The following TANC1 variants were observed in gnomAD, a reference collection of about 807,000 sequenced individuals.
TANC1 encodes the protein tetratricopeptide repeat, ankyrin repeat and coiled-coil containing 1, also known as protein TANC1.
A neutral mutation model predicts 149.7 loss-of-function variants in TANC1; 77 were observed. The observed-to-expected ratio is 0.51, with a 90% CI of 0.43 to 0.62. The LOEUF (loss-of-function observed/expected upper bound fraction) is 0.62. TANC1 is among the 20% of genes least tolerant of loss of function. The pLI is 0.00. For synonymous variants in TANC1, 854 were observed against 925.0 expected, an observed-to-expected ratio of 0.92 and a Z score of 1.39; for missense variants, 1,985 against 2,321.8, an observed-to-expected ratio of 0.85 and a Z score of 2.98.
intron 4 of TANC1, among the ~76,000 whole-genome samples, chr2:159,128,896 T>C (rs1250057078): frequency 6.6e-6 from 1 of 152,230 alleles, no homozygotes; most frequent in Non-Finnish European, 1.5e-5. Context: ...AGGAATTGGC[T>C]ATTTAATGCA....
At chr2:159,222,130 C>G (rs1321747809) in intron 22 of TANC1, among the ~76,000 whole-genome samples, 1 of 152,186 alleles carries the variant, frequency 6.6e-6, no homozygotes, top group Non-Finnish European at 1.5e-5. Context: ...CAAAAACATA[C>G]TCAACTAAAT....
rs541702373 is a variant in TANC1 at position 159,136,828 on chromosome 2, T to C, written c.364+530T>C. On this transcript the variant is annotated intron_variant, in intron 5 of 26. Coordinates refer to ENST00000263635, the MANE Select transcript of TANC1 (RefSeq NM_033394.3). ...AAAAACCAAATTGATGGAAATATTT[T>C]TAAAGACATTTTATATGTATATGTA... Among the ~76,000 whole-genome samples, 111 of 151,772 alleles carry C rather than the reference T, an allele frequency of 7.3e-4. 1 individual carries two copies. Among genetic ancestry groups the C allele is most frequent in the African/African-American group, 2.6e-3 (106 of 41,436 alleles).
At chr2:159,016,455 C>T (rs1237848520) in intron 2 of TANC1, among the ~76,000 whole-genome samples, 1 of 152,144 alleles carries the variant, frequency 6.6e-6, no homozygotes, top group Non-Finnish European at 1.5e-5. Flanking sequence ...TGGGGACACA[C>T]AATTCAACCC....
At chr2:158,984,958 G>A (rs886755061) in intron 1 of TANC1, among the ~76,000 whole-genome samples, 2 of 152,198 alleles carry the variant, frequency 1.3e-5, no homozygotes, top group Admixed American at 1.3e-4. Flanking sequence ...GATCCTGTAA[G>A]CAAGTGATAG....
At chr2:159,106,194 A>C (rs80091481) in intron 4 of TANC1, among the ~76,000 whole-genome samples, 1 of 152,094 alleles carries the variant, frequency 6.6e-6, no homozygotes, top group Non-Finnish European at 1.5e-5. Flanking sequence ...TAGCATTTTC[A>C]CAGGGTTGTG....
rs768947513 is a variant in TANC1 at position 159,196,772 on chromosome 2, G to A, written c.3144G>A (p.Ala1048=). ...SHALQQALTA[A]ASMGHSSVVQ... ...CCCTGCAGCAGGCGCTGACCGCGGC[G>A]GCCAGCATGGGCCACAGCTCGGTGA... Residue 1048 remains alanine (A), a synonymous_variant, in exon 18 of 27, where the codon GCG becomes GCA. Transcript: ENST00000263635. The A allele has an allele frequency of 1.1e-4, 183 of 1,611,766 alleles. 1 individual carries two copies. The East Asian group carries it at 3.7e-3, about 33-fold the overall frequency.
chr2:159,020,148 C>T (rs982720656), intron 2 of TANC1, among the ~76,000 whole-genome samples: 1 of 151,980 alleles, frequency 6.6e-6, no homozygotes, highest in Non-Finnish European at 1.5e-5. Context: ...GATGGAGTCT[C>T]GTTCTATCGG....
chr2:159,207,219 T>C (rs1365596592), intron 19 of TANC1, among the ~76,000 whole-genome samples: 1 of 152,256 alleles, frequency 6.6e-6, no homozygotes, highest in Non-Finnish European at 1.5e-5. Flanking sequence ...GAATGCCATG[T>C]GGCCAGAATT....
intron 2 of TANC1, among the ~76,000 whole-genome samples, chr2:159,059,834 AG>A (rs1395485761): frequency 2.0e-5 from 3 of 149,106 alleles, no homozygotes; most frequent in Non-Finnish European, 4.4e-5. Flanking sequence ...TTCTGTGTAC[AG>A]GGTTTTCCAT....
In TANC1 at chr2:159,230,735, CCT is replaced by C. The variant is rs2060294684; in HGVS notation, c.5315_5316del (p.Leu1772HisfsTer7). ...CTGCAGTCTGCTAACACTGAGAAGCCCTCTCTCATGCAAGTGGGAGGATATAA... is the reference window on the plus strand; with the variant it reads ...CTGCAGTCTGCTAACACTGAGAAGCCCTCTCATGCAAGTGGGAGGATATAA... On this transcript the variant is annotated frameshift_variant, in exon 27 of 27. Coordinates refer to ENST00000263635, the MANE Select transcript of TANC1 (RefSeq NM_033394.3). LOFTEE classifies it high-confidence loss of function. The surrounding 1 kb of genome is among the most constrained non-coding windows in gnomAD (Gnocchi z 4.4). 6.2e-7 allele frequency: 1 copy of C among 1,614,150 alleles called. No homozygotes were observed. Among genetic ancestry groups the C allele is most frequent in the Non-Finnish European group, 8.5e-7 (1 of 1,180,030 alleles).
In TANC1 at chr2:159,170,809, C is replaced by G; in HGVS notation, c.1351+4C>G. 6.2e-7 allele frequency: 1 copy of G among 1,610,902 alleles called. No homozygotes were observed. Among genetic ancestry groups the G allele is most frequent in the East Asian group, 2.2e-5 (1 of 44,792 alleles). Reference sequence around the variant, plus strand: ...AGCCCGGGTTCATCACCTAAAAGTACGTGCATGTTTAATTACTTGTCTAGT... The same window carrying G: ...AGCCCGGGTTCATCACCTAAAAGTAGGTGCATGTTTAATTACTTGTCTAGT... On this transcript the variant is annotated splice_donor_region_variant and intron_variant, in intron 10 of 26. Coordinates refer to ENST00000263635, the MANE Select transcript of TANC1 (RefSeq NM_033394.3).
chr2:159,093,075 G>A (rs2045715911), intron 3 of TANC1, among the ~76,000 whole-genome samples: 1 of 152,170 alleles, frequency 6.6e-6, no homozygotes, highest in Non-Finnish European at 1.5e-5. Flanking sequence ...TCTGTGGTGT[G>A]TAAATGTTCC....
chr2:159,090,409 C>T (rs2045401306), intron 3 of TANC1, among the ~76,000 whole-genome samples: 1 of 152,150 alleles, frequency 6.6e-6, no homozygotes, highest in Admixed American at 6.5e-5. Flanking sequence ...TTCTGTGGCT[C>T]TCGGTCCTGG....
intron 16 of TANC1, among the ~76,000 whole-genome samples, chr2:159,191,213 G>C (rs1181023161): frequency 6.6e-6 from 1 of 152,190 alleles, no homozygotes; most frequent in African/African-American, 2.4e-5. Context: ...CTTAAATGTA[G>C]ATGGCAGTCC....
chr2:159,078,998 C>A (rs942916873), intron 3 of TANC1, among the ~76,000 whole-genome samples: 1 of 151,330 alleles, frequency 6.6e-6, no homozygotes, highest in African/African-American at 2.4e-5. Flanking sequence ...TATGGTATAC[C>A]TGCTTTTGGG....
Position 159,161,791 on chromosome 2 carries a change from G to T in TANC1, c.683-1492G>T, listed in dbSNP as rs529552668. ...ACTGGCAAATGCTGGGAATCATAAC[G>T]ATGGGCACCCAAAATCAGATCCTGA... is the stretch of plus-strand genomic sequence containing the variant. On this transcript the variant is annotated intron_variant, in intron 7 of 26. Transcript: ENST00000263635. Among the ~76,000 whole-genome samples the T allele has an allele frequency of 2.6e-5, 4 of 152,234 alleles. No homozygotes were observed. In the South Asian group the frequency reaches 8.3e-4, roughly 32 times the overall value.
At chr2:159,213,469 ATTCT>A (rs2059137472) in intron 19 of TANC1, among the ~76,000 whole-genome samples, 1 of 151,554 alleles carries the variant, frequency 6.6e-6, no homozygotes, top group African/African-American at 2.4e-5. Context: ...CATAAATACC[ATTCT>A]GCTAATGGTA....
intron 2 of TANC1, among the ~76,000 whole-genome samples, chr2:159,033,335 G>A (rs2149487953): frequency 6.6e-6 from 1 of 152,328 alleles, no homozygotes; most frequent in South Asian, 2.1e-4. Flanking sequence ...AGGGACAGAT[G>A]TAGCAGCACA....
rs1575324540 is a variant in TANC1, at chr2:159,217,779, G to T, written c.3378+149G>T. On this transcript the variant is annotated intron_variant, in intron 20 of 26. Coordinates refer to ENST00000263635, the MANE Select transcript of TANC1 (RefSeq NM_033394.3). ...GCTGTGCCATCAGGACTGCTTGATA[G>T]AGCCACGTTTGACAAGATAACACAG... 9.6e-6 allele frequency: 10 copies of T among 1,044,644 alleles called. No homozygotes were observed. In the East Asian group the frequency reaches 2.6e-4, roughly 27 times the overall value. 64.7% of individuals were successfully genotyped at this position (1,044,644 alleles called of 1,614,324 possible). A position where few individuals can be genotyped will look rare whatever the true frequency, so the allele number is the denominator to read the frequency against.
Sources: gnomAD v4.1 joint callset for allele counts (sites outside exome capture counted in the v4.1 genomes callset) on GRCh38, gnomAD v4.1.1 for gene constraint, Gnocchi (gnomAD v3.1) non-coding constraint, MANE v1.5 for transcripts, NCBI Gene and HGNC (gene_info 2026-07-23, HGNC 2026-07-21) for gene names.